Variants in FAM177B observed in about 807,000 individuals in gnomAD.
The protein encoded by FAM177B is family with sequence similarity 177 member B.
In FAM177B, 16 loss-of-function variants were observed where a neutral mutation model predicts 16.1. That is an observed-to-expected ratio of 0.99 (90% confidence interval 0.67 to 1.51). FAM177B has a LOEUF of 1.51. FAM177B is among the 40% of genes most tolerant of loss of function. FAM177B has a pLI of 0.00. For synonymous variants in FAM177B, 56 were observed against 59.9 expected (o/e 0.93, Z 0.30); for missense variants, 178 against 183.7 (o/e 0.97, Z 0.18).
chr1:222,747,946 G>A (rs779587658), intron 4 of FAM177B, among the ~76,000 whole-genome samples: 10 of 152,122 alleles, frequency 6.6e-5, no homozygotes, highest in Non-Finnish European at 1.2e-4. Flanking sequence ...AAAGTGTATA[G>A]GGGCTCTGAC....
chr1:222,741,533 A>ATT lies in FAM177B; in HGVS notation c.-16+3524_-16+3525dup, dbSNP rs72331510. Among the ~76,000 whole-genome samples, 642 of 142,956 alleles carry ATT rather than the reference A, an allele frequency of 4.5e-3. 8 individuals are homozygous for ATT. The highest frequency in any genetic ancestry group is 0.014 in the African/African-American group (553 of 39,210). The allele number at this position is 142,956 out of a possible 152,430, so 93.8% of individuals were successfully genotyped here. A position where few individuals can be genotyped will look rare whatever the true frequency, so the allele number is the denominator to read the frequency against. On this transcript the variant is annotated intron_variant, in intron 2 of 5. Coordinates refer to ENST00000445590, the MANE Select transcript of FAM177B (RefSeq NM_001394345.1). ...TGTTTAGCTGGATATTGAATTCTCT[A>ATT]TTTTTTTTTTTTTGAGATGGCATCT...
In FAM177B at chr1:222,750,458, A is replaced by C; in HGVS notation, c.*400A>C. The C allele has an allele frequency of 1.0e-6, 1 of 995,682 alleles. No homozygotes were observed. Among genetic ancestry groups the C allele is most frequent in the Non-Finnish European group, 1.2e-6 (1 of 837,242 alleles). The allele number at this position is 995,682 out of a possible 1,614,324, so 61.7% of individuals were successfully genotyped here. A position where few individuals can be genotyped will look rare whatever the true frequency, so the allele number is the denominator to read the frequency against. On this transcript the variant is annotated 3_prime_UTR_variant, in exon 6 of 6. Transcript: ENST00000445590. ...AAGAAGCTCTATTCCTCAGAAGAAAATTTGGGCACCGCAAAGTCTAAATAA... is the reference window on the plus strand; with the variant it reads ...AAGAAGCTCTATTCCTCAGAAGAAACTTTGGGCACCGCAAAGTCTAAATAA...
chr1:222,746,185 T>C (rs1658787532), intron 2 of FAM177B, among the ~76,000 whole-genome samples: 1 of 152,264 alleles, frequency 6.6e-6, no homozygotes, highest in Admixed American at 6.5e-5. Context: ...GTCTGTACTC[T>C]TAACCATTTC....
At chr1:222,747,410 C>A in intron 4 of FAM177B, 1 of 210,444 alleles carries the variant, frequency 4.8e-6, no homozygotes, top group South Asian at 1.1e-4. Context: ...ATAATCAGTC[C>A]TCCCTGAGTT....
intron 4 of FAM177B, among the ~76,000 whole-genome samples, chr1:222,748,384 A>C (rs1236160988): frequency 6.6e-6 from 1 of 152,200 alleles, no homozygotes. Context: ...AATGATTTGC[A>C]TGTTGGGTTT....
rs1658988539 is a variant in FAM177B, at chr1:222,750,075, A to G, written c.*17A>G. The G allele has an allele frequency of 6.2e-7, 1 of 1,609,140 alleles. No homozygotes were observed. The highest frequency in any genetic ancestry group is 8.5e-7 in the Non-Finnish European group (1 of 1,178,056). On this transcript the variant is annotated 3_prime_UTR_variant, in exon 6 of 6. Transcript: ENST00000445590. Reference sequence around the variant, plus strand: ...CCTCAGTGAAGCACCTCATCCAGGGAGGGTCTGGTGGCAGATCCTAGCTCA... The same window carrying G: ...CCTCAGTGAAGCACCTCATCCAGGGGGGGTCTGGTGGCAGATCCTAGCTCA...
intron 2 of FAM177B, among the ~76,000 whole-genome samples, chr1:222,741,958 C>T (rs1658572197): frequency 1.8e-5 from 2 of 110,104 alleles, no homozygotes; most frequent in South Asian, 3.3e-4. Flanking sequence ...TTCTTTCCTT[C>T]CTTCTTTCTT....
chr1:222,743,175 T>C (rs1196656358), intron 2 of FAM177B, among the ~76,000 whole-genome samples: 2 of 152,150 alleles, frequency 1.3e-5, no homozygotes, highest in Non-Finnish European at 2.9e-5. Context: ...TGAGACAGTG[T>C]CTCACTCTGC....
intron 1 of FAM177B, 83 bp from the exon 2 acceptor site, chr1:222,737,821 G>T (rs1658351310): frequency 6.6e-6 from 1 of 152,212 alleles, no homozygotes; most frequent in Non-Finnish European, 1.5e-5. Context: ...CGACGGCAAG[G>T]GTGAGAGATG....
chr1:222,740,535 C>T (rs1658474841), intron 2 of FAM177B, among the ~76,000 whole-genome samples: 1 of 151,902 alleles, frequency 6.6e-6, no homozygotes, highest in African/African-American at 2.4e-5. Flanking sequence ...CATTATTTGT[C>T]TAGTTACCTT....
chr1:222,743,719 T>G (rs1658655604), intron 2 of FAM177B, among the ~76,000 whole-genome samples: 2 of 152,198 alleles, frequency 1.3e-5, no homozygotes, highest in Non-Finnish European at 2.9e-5. Context: ...TTTGCTACTT[T>G]TGCAAGCTGG....
At position 222,746,733 on chromosome 1, in the gene FAM177B, A is replaced by G. The variant is rs1218378076; in HGVS notation, c.174+14A>G. 3.1e-6 allele frequency: 5 copies of G among 1,593,352 alleles called. No individual in the cohort carries two copies. The South Asian group carries it at 3.4e-5, about 11-fold the overall frequency. On this transcript the variant is annotated intron_variant, in intron 3 of 5. Coordinates refer to ENST00000445590, the MANE Select transcript of FAM177B (RefSeq NM_001394345.1). ...ACACTTGACCCTGTAAGCTTAGTATATCAATATTAGGGAACATGGTGGGGG... is the reference window on the plus strand; with the variant it reads ...ACACTTGACCCTGTAAGCTTAGTATGTCAATATTAGGGAACATGGTGGGGG...
chr1:222,748,972 C>A (rs754963254), intron 4 of FAM177B: 81 of 470,450 alleles, frequency 1.7e-4, no homozygotes, highest in South Asian at 5.9e-4. Context: ...GCTGAGCCTG[C>A]AGGCCACCTT....
At chr1:222,743,339 G>A (rs1416892820) in intron 2 of FAM177B, among the ~76,000 whole-genome samples, 2 of 146,154 alleles carry the variant, frequency 1.4e-5, no homozygotes, top group Admixed American at 6.8e-5. Flanking sequence ...TTTTTTTTTT[G>A]TGGAGACAGG....
rs747074182 is a variant in FAM177B at position 222,746,578 on chromosome 1, A to C, written c.33A>C (p.Leu11=). The part of the protein sequence containing the change: MEIDGFQQLD[L]EKSVPSKKTT... ...TTGACGGTTTCCAGCAGTTAGACCTAGAGAAGAGTGTACCTTCCAAAAAGA... is the reference window on the plus strand; with the variant it reads ...TTGACGGTTTCCAGCAGTTAGACCTCGAGAAGAGTGTACCTTCCAAAAAGA... The change falls in exon 3 of 6, where the codon CTA becomes CTC. Residue 11 remains leucine (L), a synonymous_variant. Coordinates refer to ENST00000445590, the MANE Select transcript of FAM177B (RefSeq NM_001394345.1). 6 of 1,610,174 alleles carry C rather than the reference A, an allele frequency of 3.7e-6. No homozygotes were observed. Among genetic ancestry groups the C allele is most frequent in the Admixed American group, 1.7e-5 (1 of 59,882 alleles).
intron 2 of FAM177B, among the ~76,000 whole-genome samples, chr1:222,738,960 TC>T (rs553279384): frequency 1.7e-3 from 263 of 152,168 alleles, no homozygotes; most frequent in African/African-American, 6.2e-3. Flanking sequence ...CCCTCCAACC[TC>T]CCAAAGAGCC....
At chr1:222,746,049 T>G (rs1325063191) in intron 2 of FAM177B, among the ~76,000 whole-genome samples, 1 of 152,240 alleles carries the variant, frequency 6.6e-6, no homozygotes, top group Non-Finnish European at 1.5e-5. Context: ...ACTCAAATAT[T>G]TTGCCCATAT....
At chr1:222,742,732 A>T (rs1443930609) in intron 2 of FAM177B, 1 of 152,224 alleles carries the variant, frequency 6.6e-6, no homozygotes, top group African/African-American at 2.4e-5. Context: ...AAAAAAAATT[A>T]TACTATATTG....
intron 2 of FAM177B, among the ~76,000 whole-genome samples, chr1:222,741,227 T>G (rs979537026): frequency 1.3e-5 from 2 of 151,588 alleles, no homozygotes; most frequent in Non-Finnish European, 2.9e-5. Flanking sequence ...TCCGGCTAAT[T>G]TTTTTGTATT....
Sources: gnomAD v4.1 joint callset for allele counts (sites outside exome capture counted in the v4.1 genomes callset) on GRCh38, gnomAD v4.1.1 for gene constraint, MANE v1.5 for transcripts, NCBI Gene and HGNC (gene_info 2026-07-23, HGNC 2026-07-21) for gene names.